MYO6: variants seen among roughly 807,000 people sequenced by gnomAD.
The protein encoded by MYO6 is myosin VI.
A neutral mutation model predicts 178.7 loss-of-function variants in MYO6; 74 were observed. That is an observed-to-expected ratio of 0.41 (90% CI 0.34 to 0.50). The LOEUF (loss-of-function observed/expected upper bound fraction) is 0.50. Ranked by LOEUF, MYO6 falls within the 20% of genes least tolerant of loss-of-function variation. The probability of loss-of-function intolerance (pLI) is 0.09; values close to 1 mark genes in which losing one functional copy is unlikely to be tolerated. For synonymous variants in MYO6, 477 were observed against 504.6 expected (o/e 0.95, Z 0.73); for missense variants, 1,330 against 1,547.4 (o/e 0.86, Z 2.36).
chr6:75,793,056 T>C (rs901024438), intron 1 of MYO6, among the ~76,000 whole-genome samples: 1 of 152,052 alleles, frequency 6.6e-6, no homozygotes, highest in Non-Finnish European at 1.5e-5. Flanking sequence ...TCTCCCAAAG[T>C]GTTGGGATTA....
chr6:75,821,308 A>T (rs914004068), intron 2 of MYO6, among the ~76,000 whole-genome samples: 1 of 152,204 alleles, frequency 6.6e-6, no homozygotes, highest in Non-Finnish European at 1.5e-5. Context: ...CCCTCTTGCC[A>T]TGGCTGTGAA....
chr6:75,781,955 G>T (rs956520439), intron 1 of MYO6, among the ~76,000 whole-genome samples: 5 of 151,026 alleles, frequency 3.3e-5, no homozygotes, highest in African/African-American at 9.7e-5. Context: ...ATAAAGGAAT[G>T]GGGGGAGTGG....
chr6:75,816,391 T>C (rs185967914), intron 1 of MYO6, among the ~76,000 whole-genome samples: 1 of 152,352 alleles, frequency 6.6e-6, no homozygotes, highest in African/African-American at 2.4e-5. Context: ...GGTCTTGTTC[T>C]GTCACCCAGA....
At chr6:75,789,656 T>C (rs948410174) in intron 1 of MYO6, among the ~76,000 whole-genome samples, 2 of 152,182 alleles carry the variant, frequency 1.3e-5, no homozygotes, top group African/African-American at 4.8e-5. Context: ...TACATATTTA[T>C]GGGGTACAAT....
chr6:75,797,701 T>G (rs1769011635), intron 1 of MYO6, among the ~76,000 whole-genome samples: 1 of 152,038 alleles, frequency 6.6e-6, no homozygotes, highest in Non-Finnish European at 1.5e-5. Context: ...GCCTGTCTAA[T>G]TTTTGGATTT....
At chr6:75,908,679 C>A in intron 32 of MYO6, 52 bp downstream of exon 32, 1 of 1,572,050 alleles carries the variant, frequency 6.4e-7, no homozygotes, top group Non-Finnish European at 8.8e-7. Flanking sequence ...TATATAAATG[C>A]ATGTATCTGT....
intron 1 of MYO6, among the ~76,000 whole-genome samples, chr6:75,755,447 G>A (rs1248407645): frequency 6.6e-6 from 1 of 152,024 alleles, no homozygotes; most frequent in Non-Finnish European, 1.5e-5. Context: ...AATTGTTACA[G>A]GTTATTTTTT....
At chr6:75,841,126 T>C (rs749041026) in intron 8 of MYO6, 88 bp from the exon 9 acceptor site, 3 of 1,286,214 alleles carry the variant, frequency 2.3e-6, no homozygotes, top group South Asian at 1.3e-5. Context: ...ACAAATGGTA[T>C]TAGAAAAGGT....
chr6:75,889,556 TAC>T (rs1778737611), intron 25 of MYO6, among the ~76,000 whole-genome samples: 1 of 152,136 alleles, frequency 6.6e-6, no homozygotes, highest in African/African-American at 2.4e-5. Context: ...TACAGGTGTG[TAC>T]CACCATGCCC....
chr6:75,911,787 C>A, intron 33 of MYO6, 89 bp downstream of exon 33: 1 of 1,275,100 alleles, frequency 7.8e-7, no homozygotes, highest in Non-Finnish European at 1.1e-6. Flanking sequence ...AGTTGTTTTG[C>A]TACAATTTTC....
rs149951207 is a variant in MYO6, at chr6:75,829,019, A to G, written c.261+406A>G. On this transcript the variant is annotated intron_variant, in intron 4 of 34. Coordinates refer to ENST00000369977, the MANE Select transcript of MYO6 (RefSeq NM_004999.4). Reference sequence around the variant, plus strand: ...GGAAGACAATGTAAGGCAGCCTATAAGGAATGTATATTGAAATTAAAAATT... The same window carrying G: ...GGAAGACAATGTAAGGCAGCCTATAGGGAATGTATATTGAAATTAAAAATT... Among the ~76,000 whole-genome samples, 12 of 152,238 alleles carry G rather than the reference A, an allele frequency of 7.9e-5. No homozygotes were observed. The East Asian group carries it at 2.3e-3, about 29-fold the overall frequency.
intron 5 of MYO6, among the ~76,000 whole-genome samples, chr6:75,832,252 G>A (rs1247475367): frequency 6.6e-6 from 1 of 152,008 alleles, no homozygotes; most frequent in Non-Finnish European, 1.5e-5. Flanking sequence ...TTGCCTAGTT[G>A]TAAAATGTTG....
chr6:75,822,636 G>T (rs534009722), intron 2 of MYO6, 146 bp from the exon 3 acceptor site: 11 of 641,650 alleles, frequency 1.7e-5, no homozygotes, highest in Middle Eastern at 8.7e-4. Flanking sequence ...TGGGGTTAAT[G>T]ACTTGTTAAA....
intron 29 of MYO6, among the ~76,000 whole-genome samples, chr6:75,897,738 C>A (rs1304951211): frequency 2.6e-5 from 4 of 152,108 alleles, no homozygotes; most frequent in Admixed American, 2.6e-4. Context: ...AAGAATTAAA[C>A]AAAATTTGAT....
chr6:75,801,032 G>A (rs998519617), intron 1 of MYO6, among the ~76,000 whole-genome samples: 1 of 152,106 alleles, frequency 6.6e-6, no homozygotes, highest in Admixed American at 6.6e-5. Context: ...CACATGGGGC[G>A]TTATTAGCAT....
chr6:75,901,062 C>T (rs368970912), intron 30 of MYO6, among the ~76,000 whole-genome samples: 1 of 152,108 alleles, frequency 6.6e-6, no homozygotes. Context: ...GGCGTTATTT[C>T]TGAGGGCTCT....
At chr6:75,898,474 T>C (rs945075884) in intron 30 of MYO6, 63 bp downstream of exon 30, 4 of 1,369,716 alleles carry the variant, frequency 2.9e-6, no homozygotes, top group African/African-American at 1.4e-5. Context: ...TAAATTACTT[T>C]TGATTATTTG....
At chr6:75,835,981 C>T (rs755194011) in intron 7 of MYO6, 25 bp downstream of exon 7, 69 of 1,527,464 alleles carry the variant, frequency 4.5e-5, no homozygotes, top group Non-Finnish European at 5.4e-5. Context: ...TCAGTTGTTA[C>T]GCGTGTACTG....
intron 11 of MYO6, among the ~76,000 whole-genome samples, chr6:75,852,122 A>G (rs1311096573): frequency 2.1e-5 from 3 of 146,088 alleles, no homozygotes; most frequent in Non-Finnish European, 4.5e-5. Context: ...TTTTTTTTTT[A>G]TCTTAGCCTT....
Sources: gnomAD v4.1 joint callset for allele counts (sites outside exome capture counted in the v4.1 genomes callset) on GRCh38, gnomAD v4.1.1 for gene constraint, MANE v1.5 for transcripts, NCBI Gene and HGNC (gene_info 2026-07-23, HGNC 2026-07-21) for gene names.